The following KHDRBS2 variants were observed in gnomAD, a reference collection of about 807,000 sequenced individuals.
KHDRBS2 encodes the protein KH RNA binding domain containing, signal transduction associated 2.
KHDRBS2 carries 26 observed loss-of-function variants against 44.3 expected under a neutral mutation model. The observed-to-expected ratio is 0.59, with a 90% CI of 0.43 to 0.81. The LOEUF (loss-of-function observed/expected upper bound fraction) is 0.81, where lower values mean the gene tolerates loss of function less well. Among genes scored for constraint, KHDRBS2 ranks in the 40% least tolerant of loss-of-function variants. KHDRBS2 has a pLI of 0.00. For missense variants in KHDRBS2, 476 were observed against 433.1 expected (o/e 1.10, Z -0.88); for synonymous variants, 194 against 151.1 (o/e 1.28, Z -2.08).
the KHDRBS2 span, among the ~76,000 whole-genome samples, chr6:61,605,230 C>T: frequency 6.6e-6 from 1 of 152,108 alleles, no homozygotes; most frequent in Non-Finnish European, 1.5e-5. Context: ...TTGGACTGCA[C>T]CCCACAAAAC....
At chr6:62,276,115 G>A (rs1840899147) in intron 1 of KHDRBS2, among the ~76,000 whole-genome samples, 1 of 152,120 alleles carries the variant, frequency 6.6e-6, no homozygotes, top group Non-Finnish European at 1.5e-5. Flanking sequence ...ACGCTCTAGA[G>A]AAAACACACT....
At chr6:62,021,535 TA>T (rs1311014250) in intron 3 of KHDRBS2, among the ~76,000 whole-genome samples, 1 of 151,894 alleles carries the variant, frequency 6.6e-6, no homozygotes, top group Non-Finnish European at 1.5e-5. Flanking sequence ...ATTTTACATA[TA>T]TAAGTTCTTT....
chr6:62,277,782 T>C (rs1841200436), intron 1 of KHDRBS2, among the ~76,000 whole-genome samples: 1 of 152,208 alleles, frequency 6.6e-6, no homozygotes, highest in South Asian at 2.1e-4. Flanking sequence ...TTATGATTGT[T>C]TATTATCTCT....
intron 6 of KHDRBS2, among the ~76,000 whole-genome samples, chr6:61,837,736 A>G (rs1191387757): frequency 1.3e-5 from 2 of 152,004 alleles, no homozygotes; most frequent in Non-Finnish European, 2.9e-5. Flanking sequence ...TGCCTTATGT[A>G]CAGCAATATT....
the KHDRBS2 span, among the ~76,000 whole-genome samples, chr6:61,552,078 A>C: frequency 6.6e-6 from 1 of 151,730 alleles, no homozygotes; most frequent in African/African-American, 2.4e-5. Flanking sequence ...ATATAGAAAT[A>C]GCATTGAATT....
chr6:61,570,793 G>A, the KHDRBS2 span, among the ~76,000 whole-genome samples: 1,799 of 152,118 alleles, frequency 0.012, 33 homozygotes, highest in African/African-American at 0.04. Context: ...ATAATTGTCC[G>A]CCAAGACTTT....
chr6:61,995,017 G>T (rs1036031323), intron 3 of KHDRBS2, among the ~76,000 whole-genome samples: 19 of 152,022 alleles, frequency 1.2e-4, no homozygotes, highest in Admixed American at 6.6e-5. Context: ...GAAAATGGAA[G>T]CAAATAAGGT....
At chr6:61,775,196 G>A (rs1267157891) in intron 6 of KHDRBS2, among the ~76,000 whole-genome samples, 1 of 152,042 alleles carries the variant, frequency 6.6e-6, no homozygotes, top group Non-Finnish European at 1.5e-5. Context: ...TACTGAATGG[G>A]CAAAAACTGG....
chr6:61,760,110 T>C (rs1473159972), intron 6 of KHDRBS2, among the ~76,000 whole-genome samples: 1 of 152,226 alleles, frequency 6.6e-6, no homozygotes, highest in Non-Finnish European at 1.5e-5. Context: ...TTAAAATGAA[T>C]GCTGTATTAT....
intron 2 of KHDRBS2, among the ~76,000 whole-genome samples, chr6:62,124,860 C>A (rs1264949872): frequency 6.6e-6 from 1 of 152,132 alleles, no homozygotes; most frequent in Admixed American, 6.5e-5. Context: ...ATACCAGCCA[C>A]ATATAACTGT....
Position 62,048,324 on chromosome 6 carries a change from G to A in KHDRBS2, c.220-330C>T, listed in dbSNP as rs923648478. On this transcript the variant is annotated intron_variant, in intron 2 of 8. Transcript: ENST00000281156. Reference sequence around the variant, plus strand: ...CTAAGGACAATCATGCTGGTTTACAGAATTTCTAAAGGCTTTTTCTCTCAA... The same window carrying A: ...CTAAGGACAATCATGCTGGTTTACAAAATTTCTAAAGGCTTTTTCTCTCAA... Among the ~76,000 whole-genome samples the A allele has an allele frequency of 5.3e-5, 8 of 151,936 alleles. No individual in the cohort carries two copies. The East Asian group carries it at 1.4e-3, about 26-fold the overall frequency.
At chr6:62,073,459 T>C (rs1562793542) in intron 2 of KHDRBS2, among the ~76,000 whole-genome samples, 1 of 151,358 alleles carries the variant, frequency 6.6e-6, no homozygotes, top group Non-Finnish European at 1.5e-5. Context: ...TTCCTTTCAG[T>C]CTAATTGTTT....
intron 4 of KHDRBS2, among the ~76,000 whole-genome samples, chr6:61,951,396 T>C (rs1764711946): frequency 6.6e-6 from 1 of 152,080 alleles, no homozygotes; most frequent in African/African-American, 2.4e-5. Flanking sequence ...CTACCAATCA[T>C]TTTAAATTGA....
intron 3 of KHDRBS2, among the ~76,000 whole-genome samples, chr6:62,023,543 T>A (rs1052544547): frequency 6.6e-6 from 1 of 151,652 alleles, no homozygotes; most frequent in East Asian, 1.9e-4. Context: ...GAAATATTTT[T>A]ATTAAAAATA....
At chr6:61,560,252 T>G in the KHDRBS2 span, among the ~76,000 whole-genome samples, 5 of 152,148 alleles carry the variant, frequency 3.3e-5, no homozygotes, top group Non-Finnish European at 7.4e-5. Flanking sequence ...AACTTTGACC[T>G]TTAGAAGATT....
chr6:61,574,785 C>T, the KHDRBS2 span, among the ~76,000 whole-genome samples: 5 of 151,818 alleles, frequency 3.3e-5, no homozygotes, highest in Admixed American at 6.6e-5. Context: ...GGCGGGGGCC[C>T]GTAATCCCAG....
intron 6 of KHDRBS2, among the ~76,000 whole-genome samples, chr6:61,835,710 C>T (rs78977688): frequency 3.5e-4 from 51 of 145,554 alleles, no homozygotes; most frequent in Non-Finnish European, 5.3e-4. Context: ...TTGATGTGTG[C>T]GTGTGTGTGT....
rs565395424 is a variant in KHDRBS2, at chr6:61,940,480, G to A, written c.483+37586C>T. Reference sequence around the variant, plus strand: ...TGCAATGGAACTGCTCCAGGGAGTGGAGGGTGGTTGTGCTGGGTCCCACAT... The same window carrying A: ...TGCAATGGAACTGCTCCAGGGAGTGAAGGGTGGTTGTGCTGGGTCCCACAT... On this transcript the variant is annotated intron_variant, in intron 4 of 8. Transcript: ENST00000281156. 9.2e-5 allele frequency among the ~76,000 whole-genome samples: 14 copies of A among 152,244 alleles called. No individual in the cohort carries two copies. The South Asian group carries it at 2.9e-3, about 32-fold the overall frequency.
intron 6 of KHDRBS2, among the ~76,000 whole-genome samples, chr6:61,890,399 G>C (rs1801641626): frequency 6.6e-6 from 1 of 151,832 alleles, no homozygotes; most frequent in African/African-American, 2.4e-5. Flanking sequence ...TTATGCTTTT[G>C]TTGATTACTC....
Sources: allele counts gnomAD v4.1 joint callset (sites outside exome capture counted in the v4.1 genomes callset), GRCh38; gene constraint gnomAD v4.1.1; transcripts MANE v1.5; gene names NCBI Gene and HGNC (gene_info 2026-07-23, HGNC 2026-07-21).